PTPRD: variants seen among roughly 807,000 people sequenced by gnomAD.
PTPRD encodes receptor-type tyrosine-protein phosphatase delta.
In PTPRD, 34 loss-of-function variants were observed where a neutral mutation model predicts 214.5. The observed-to-expected ratio is 0.16, with a 90% CI of 0.12 to 0.21. The LOEUF is 0.21. PTPRD is among the 10% of genes least tolerant of loss of function. PTPRD has a pLI of 1.00. For synonymous variants in PTPRD, 1,128 were observed against 845.7 expected, an observed-to-expected ratio of 1.33 and a Z score of -5.79; for missense variants, 2,545 against 2,398.7, an observed-to-expected ratio of 1.06 and a Z score of -1.27.
At chr9:9,148,511 T>C (rs1469065109) in intron 10 of PTPRD, among the ~76,000 whole-genome samples, 1 of 152,174 alleles carries the variant, frequency 6.6e-6, no homozygotes, top group African/African-American at 2.4e-5. Flanking sequence ...ATACGTGTCA[T>C]GAACACCAAG....
At chr9:9,238,566 G>C (rs575610160) in intron 9 of PTPRD, among the ~76,000 whole-genome samples, 6 of 152,192 alleles carry the variant, frequency 3.9e-5, no homozygotes, top group African/African-American at 1.4e-4. Flanking sequence ...TCAAAGTCTT[G>C]ACTGGAGGAC....
chr9:9,030,288 T>G (rs1356618280), intron 10 of PTPRD, among the ~76,000 whole-genome samples: 1 of 137,272 alleles, frequency 7.3e-6, no homozygotes, highest in Non-Finnish European at 1.5e-5. Flanking sequence ...TTTTTTTTTT[T>G]TTTTTTTTTT....
At position 9,238,678 on chromosome 9, in the gene PTPRD, C is replaced by T. The variant is rs572966752; in HGVS notation, c.-202-55315G>A. Among the ~76,000 whole-genome samples, 4 of 152,212 alleles carry T rather than the reference C, an allele frequency of 2.6e-5. No homozygotes were observed. The East Asian group carries it at 5.8e-4, about 22-fold the overall frequency. ...TAGAATGGGCTAGTTGACATTAGGTCACCCACCAGCTTCAATAAAATGTCC... is the reference window on the plus strand; with the variant it reads ...TAGAATGGGCTAGTTGACATTAGGTTACCCACCAGCTTCAATAAAATGTCC... On this transcript the variant is annotated intron_variant, in intron 9 of 45. Transcript: ENST00000381196.
At chr9:9,593,217 T>TC (rs1563921718) in intron 7 of PTPRD, among the ~76,000 whole-genome samples, 7 of 149,616 alleles carry the variant, frequency 4.7e-5, no homozygotes, top group Admixed American at 1.3e-4. Flanking sequence ...GTTTTTGTTT[T>TC]TCCCCCCCCT....
intron 2 of PTPRD, among the ~76,000 whole-genome samples, chr9:10,425,047 A>G (rs561330066): frequency 4.6e-5 from 7 of 152,126 alleles, no homozygotes; most frequent in African/African-American, 1.7e-4. Context: ...TATAGGGTTT[A>G]TAGTTTTACA....
chr9:8,706,980 C>G (rs574554619), intron 12 of PTPRD, among the ~76,000 whole-genome samples: 200 of 152,270 alleles, frequency 1.3e-3, no homozygotes, highest in Middle Eastern at 3.4e-3. Flanking sequence ...TGGGATCAAA[C>G]AGAAAAGCAC....
At chr9:9,444,094 T>A (rs944046495) in intron 8 of PTPRD, among the ~76,000 whole-genome samples, 6 of 152,326 alleles carry the variant, frequency 3.9e-5, no homozygotes, top group South Asian at 2.1e-4. Flanking sequence ...AAACACTGTA[T>A]AATCAACTTG....
intron 5 of PTPRD, among the ~76,000 whole-genome samples, chr9:9,927,886 T>C (rs1460286255): frequency 6.6e-6 from 1 of 152,144 alleles, no homozygotes; most frequent in Non-Finnish European, 1.5e-5. Flanking sequence ...GGGAAGAAAA[T>C]GCAGTTGAGA....
intron 35 of PTPRD, among the ~76,000 whole-genome samples, chr9:8,418,671 T>C (rs1262212127): frequency 3.9e-5 from 6 of 152,058 alleles, no homozygotes; most frequent in Non-Finnish European, 8.8e-5. Context: ...TAGTCTTATA[T>C]ATACCAGGAT....
intron 5 of PTPRD, among the ~76,000 whole-genome samples, chr9:9,876,885 G>C (rs1274483685): frequency 6.6e-6 from 1 of 152,014 alleles, no homozygotes; most frequent in Admixed American, 6.6e-5. Flanking sequence ...CAAATTACAG[G>C]ATTTTTACTC....
chr9:9,680,842 T>C (rs2097053061), intron 7 of PTPRD, among the ~76,000 whole-genome samples: 1 of 151,774 alleles, frequency 6.6e-6, no homozygotes, highest in Admixed American at 6.6e-5. Context: ...CTCCCTCCTC[T>C]TGTGGGTGAG....
intron 2 of PTPRD, among the ~76,000 whole-genome samples, chr9:10,512,611 G>C (rs1010358280): frequency 2.6e-5 from 4 of 152,132 alleles, no homozygotes; most frequent in Non-Finnish European, 4.4e-5. Flanking sequence ...TTCTCATGGT[G>C]AGTCAGGTTT....
In PTPRD at chr9:8,524,797, T is replaced by C. The variant is rs191633839; in HGVS notation, c.679+128A>G. ...TTTTTAACTTTTCTATTTACTAACA[T>C]GTTTCAGCTACGGTCACTATTACCA... On this transcript the variant is annotated intron_variant, in intron 18 of 45. Transcript: ENST00000381196. The C allele has an allele frequency of 1.7e-3, 1,372 of 812,846 alleles. 4 individuals carry two copies. The highest frequency in any genetic ancestry group is 2.6e-3 in the Non-Finnish European group (1,174 of 459,142). 50.4% of individuals were successfully genotyped at this position (812,846 alleles called of 1,614,324 possible). A position where few individuals can be genotyped will look rare whatever the true frequency, so the allele number is the denominator to read the frequency against.
intron 9 of PTPRD, among the ~76,000 whole-genome samples, chr9:9,264,107 A>T (rs1937765067): frequency 6.6e-6 from 1 of 151,662 alleles, no homozygotes; most frequent in African/African-American, 2.4e-5. Flanking sequence ...CCACAATGGA[A>T]GACTTCAAGG....
intron 4 of PTPRD, among the ~76,000 whole-genome samples, chr9:9,957,510 TG>T (rs562745537): frequency 7.9e-5 from 12 of 152,264 alleles, no homozygotes; most frequent in Non-Finnish European, 1.2e-4. Flanking sequence ...TAAAAATAAT[TG>T]AAATTAAAAT....
chr9:8,860,520 T>A (rs1450324423), intron 11 of PTPRD: 1 of 152,186 alleles, frequency 6.6e-6, no homozygotes, highest in Non-Finnish European at 1.5e-5. Context: ...AGACTGAGAA[T>A]TATTCAGGGT....
intron 32 of PTPRD, among the ~76,000 whole-genome samples, chr9:8,464,840 T>C (rs1449883369): frequency 6.6e-6 from 1 of 151,910 alleles, no homozygotes; most frequent in Non-Finnish European, 1.5e-5. Flanking sequence ...TTAAATTATT[T>C]TCTAACTTTC....
Position 9,250,545 on chromosome 9 carries a change from G to C in PTPRD, c.-202-67182C>G, listed in dbSNP as rs116633588. On this transcript the variant is annotated intron_variant, in intron 9 of 45. Coordinates refer to ENST00000381196, the MANE Select transcript of PTPRD (RefSeq NM_002839.4). ...ACAAAAGGTTAACATATTATCAGGT[G>C]TCTCTTCAAACAGCAGGTAAAGGTG... Among the ~76,000 whole-genome samples, 1,007 of 152,146 alleles carry C rather than the reference G, an allele frequency of 6.6e-3. 11 individuals are homozygous for C. The highest frequency in any genetic ancestry group is 0.022 in the African/African-American group (929 of 41,532).
intron 11 of PTPRD, among the ~76,000 whole-genome samples, chr9:8,948,714 G>C (rs867502349): frequency 6.8e-6 from 1 of 148,008 alleles, no homozygotes; most frequent in Non-Finnish European, 1.5e-5. Flanking sequence ...AATAGGACAC[G>C]TAATTTTTTT....
Sources: allele counts gnomAD v4.1 joint callset (sites outside exome capture counted in the v4.1 genomes callset), GRCh38; gene constraint gnomAD v4.1.1; transcripts MANE v1.5; gene names NCBI Gene and HGNC (gene_info 2026-07-23, HGNC 2026-07-21).